Variants in CCNY observed in about 807,000 individuals in gnomAD.
The protein encoded by CCNY is cyclin-Y.
A neutral mutation model predicts 42.8 loss-of-function variants in CCNY; 19 were observed. The observed-to-expected ratio is 0.44, with a 90% CI of 0.31 to 0.65. The LOEUF is 0.65. CCNY is among the 30% of genes least tolerant of loss of function. The pLI is 0.07. For missense variants in CCNY, 370 were observed against 437.3 expected (o/e 0.85, Z 1.37); for synonymous variants, 165 against 162.7 (o/e 1.01, Z -0.11).
intron 5 of CCNY, among the ~76,000 whole-genome samples, chr10:35,526,860 A>G (rs1840663638): frequency 6.6e-6 from 1 of 152,144 alleles, no homozygotes; most frequent in Non-Finnish European, 1.5e-5. Flanking sequence ...TGGTAATCAT[A>G]TTTCATGCAT....
chr10:35,328,519 G>A (rs1835904491), intron 3 of CCNY, among the ~76,000 whole-genome samples: 1 of 152,176 alleles, frequency 6.6e-6, no homozygotes, highest in Non-Finnish European at 1.5e-5. Context: ...TAGTAACTAA[G>A]CAACAAGAAG....
intron 3 of CCNY, among the ~76,000 whole-genome samples, chr10:35,297,464 A>T (rs752556475): frequency 2.0e-5 from 3 of 152,182 alleles, no homozygotes; most frequent in Non-Finnish European, 4.4e-5. Flanking sequence ...AACCACTCCT[A>T]TTCAATATAG....
chr10:35,297,638 A>G (rs1835487101), intron 3 of CCNY, among the ~76,000 whole-genome samples: 1 of 152,228 alleles, frequency 6.6e-6, no homozygotes, highest in African/African-American at 2.4e-5. Context: ...TAACTTCAGC[A>G]AAGTTTCAGG....
intron 1 of CCNY, among the ~76,000 whole-genome samples, chr10:35,398,476 A>G (rs760052326): frequency 8.5e-5 from 13 of 152,068 alleles, no homozygotes; most frequent in Non-Finnish European, 1.5e-4. Context: ...TTTGGTCACT[A>G]CTTGGGGTCA....
chr10:35,529,688 C>T (rs1343104162), intron 5 of CCNY, among the ~76,000 whole-genome samples: 1 of 148,112 alleles, frequency 6.8e-6, no homozygotes, highest in Non-Finnish European at 1.5e-5. Context: ...CATGGTGAAA[C>T]CTTGTCTCTA....
intron 1 of CCNY, among the ~76,000 whole-genome samples, chr10:35,391,681 T>C (rs1314234226): frequency 3.9e-5 from 6 of 152,228 alleles, no homozygotes; most frequent in African/African-American, 1.2e-4. Context: ...ATGGGAATGA[T>C]AGTACCTGCC....
chr10:35,408,892 A>T (rs1330739804), intron 1 of CCNY, among the ~76,000 whole-genome samples: 1 of 152,024 alleles, frequency 6.6e-6, no homozygotes, highest in African/African-American at 2.4e-5. Flanking sequence ...GTATTATTTC[A>T]TCATAAATGC....
In CCNY at chr10:35,379,436, A is replaced by T. The variant is rs373505875; in HGVS notation, c.154+42229A>T. Among the ~76,000 whole-genome samples the T allele has an allele frequency of 5.3e-5, 8 of 152,190 alleles. 1 individual carries two copies. The East Asian group carries it at 7.7e-4, about 15-fold the overall frequency. On this transcript the variant is annotated intron_variant, in intron 1 of 9. Coordinates refer to ENST00000374704, the MANE Select transcript of CCNY (RefSeq NM_145012.6). ...AACAGCAGTCAGATGTCAGAAATGG[A>T]GCCAGACTCTGTATTACAGGAAATG...
chr10:35,275,523 G>A (rs1344462993), intron 3 of CCNY, among the ~76,000 whole-genome samples: 1 of 151,622 alleles, frequency 6.6e-6, no homozygotes, highest in African/African-American at 2.4e-5. Flanking sequence ...CAGCACTTTG[G>A]GAGGCCGAGG....
chr10:35,332,575 A>C (rs538439302), upstream of CCNY: 37 of 152,368 alleles, frequency 2.4e-4, no homozygotes, highest in African/African-American at 8.2e-4. Context: ...TATTGCTAAA[A>C]AAGTGTCAAG....
At chr10:35,369,337 A>G (rs1836879322) in intron 1 of CCNY, among the ~76,000 whole-genome samples, 1 of 152,228 alleles carries the variant, frequency 6.6e-6, no homozygotes, top group Non-Finnish European at 1.5e-5. Context: ...TATTAAGGGC[A>G]TGAACATTGT....
chr10:35,269,628 T>G lies in CCNY; in HGVS notation c.-9+19002T>G, dbSNP rs1450786358. 3.6e-4 allele frequency among the ~76,000 whole-genome samples: 49 copies of G among 136,294 alleles called. 1 individual carries two copies. The highest frequency in any genetic ancestry group is 1.9e-3 in the Admixed American group (27 of 14,244). 89.4% of individuals were successfully genotyped at this position (136,294 alleles called of 152,430 possible). On this transcript the variant is annotated intron_variant, in intron 3 of 11. Transcript: ENST00000374706. ...CCAAGTTCGCCACTCTTTTTTTTTT[T>G]TTGTTTTGTTTTTTTTTTGAGATGG...
chr10:35,313,771 G>C (rs906144142), intron 3 of CCNY, among the ~76,000 whole-genome samples: 1 of 152,070 alleles, frequency 6.6e-6, no homozygotes, highest in Non-Finnish European at 1.5e-5. Flanking sequence ...CCAGGAGTTT[G>C]AGACCAGCCT....
chr10:35,555,772 G>T (rs1841351067), intron 8 of CCNY, among the ~76,000 whole-genome samples: 1 of 152,156 alleles, frequency 6.6e-6, no homozygotes, highest in South Asian at 2.1e-4. Flanking sequence ...AGTTAAAACA[G>T]TTGGCCAGTG....
At chr10:35,290,324 T>C (rs1310965376) in intron 3 of CCNY, among the ~76,000 whole-genome samples, 3 of 148,012 alleles carry the variant, frequency 2.0e-5, no homozygotes, top group African/African-American at 7.6e-5. Flanking sequence ...GGTTGAGGCA[T>C]GGACTCACTT....
chr10:35,358,837 A>G (rs1183378581), intron 1 of CCNY, among the ~76,000 whole-genome samples: 1 of 152,216 alleles, frequency 6.6e-6, no homozygotes, highest in Non-Finnish European at 1.5e-5. Context: ...ATGGCAGCTA[A>G]GTGGGTTTAT....
At chr10:35,543,598 C>T (rs1005190390) in intron 7 of CCNY, among the ~76,000 whole-genome samples, 4 of 151,954 alleles carry the variant, frequency 2.6e-5, no homozygotes, top group African/African-American at 9.7e-5. Context: ...CTAGCATGTG[C>T]ACGGTACATA....
intron 1 of CCNY, among the ~76,000 whole-genome samples, chr10:35,402,558 C>T (rs558736021): frequency 1.3e-5 from 2 of 152,038 alleles, no homozygotes; most frequent in South Asian, 4.2e-4. Context: ...TTGAGGTCTC[C>T]GTGATTTTGG....
intron 8 of CCNY, among the ~76,000 whole-genome samples, chr10:35,555,099 C>G (rs964447876): frequency 6.6e-6 from 1 of 152,174 alleles, no homozygotes; most frequent in African/African-American, 2.4e-5. Context: ...GTTGAATCCT[C>G]TCAGCAACCC....
Sources: gnomAD v4.1 joint callset for allele counts (sites outside exome capture counted in the v4.1 genomes callset) on GRCh38, gnomAD v4.1.1 for gene constraint, MANE v1.5 for transcripts, NCBI Gene and HGNC (gene_info 2026-07-23, HGNC 2026-07-21) for gene names.